Variants in FAM135A observed in about 807,000 individuals in gnomAD.
The protein encoded by FAM135A is protein FAM135A.
A neutral mutation model predicts 146.8 loss-of-function variants in FAM135A; 79 were observed. The ratio of observed to expected loss-of-function variants is 0.54; its 90% CI spans 0.45 to 0.65. FAM135A has a LOEUF of 0.65. FAM135A is among the 30% of genes least tolerant of loss of function. The pLI, the probability that FAM135A is intolerant of heterozygous loss-of-function variation, is 0.00. For synonymous variants in FAM135A, 562 were observed against 603.6 expected, an observed-to-expected ratio of 0.93 and a Z score of 1.01; for missense variants, 1,623 against 1,758.2, an observed-to-expected ratio of 0.92 and a Z score of 1.38.
chr6:70,533,758 A>C lies in FAM135A; in HGVS notation c.3869A>C (p.Asn1290Thr), dbSNP rs769511196. 3 of 1,566,808 alleles carry C rather than the reference A, an allele frequency of 1.9e-6. No homozygotes were observed. In the African/African-American group the frequency reaches 4.1e-5, roughly 22 times the overall value. The change falls in exon 18 of 22, where the codon AAT (asparagine) becomes ACT (threonine). Residue 1290 changes from asparagine to threonine, a missense_variant and splice_region_variant. By Grantham distance (65) the Asn-to-Thr change is moderately conservative. Transcript: ENST00000418814. ...GTATGTGCTTTGCTTTCTTTTTAGA[A>C]TGATACTTTTGCTGATTTTGATAGC... is the stretch of plus-strand genomic sequence containing the variant. Reference protein sequence around the residue: ...IDFLMSERNQNDTFADFDSMT... With the variant: ...IDFLMSERNQTDTFADFDSMT...
chr6:70,482,927 T>C (rs542892715), intron 10 of FAM135A, among the ~76,000 whole-genome samples: 1 of 141,840 alleles, frequency 7.1e-6, no homozygotes, highest in African/African-American at 2.4e-5. Context: ...ATATATTGTT[T>C]TATAAGTTTT....
intron 4 of FAM135A, among the ~76,000 whole-genome samples, chr6:70,450,675 A>G (rs1422442929): frequency 7.3e-6 from 1 of 136,798 alleles, no homozygotes; most frequent in Non-Finnish European, 1.6e-5. Flanking sequence ...ATTGCTTGGA[A>G]ATATATTATT....
chr6:70,452,410 A>T (rs1777311871), intron 4 of FAM135A, 82 bp from the exon 5 acceptor site: 1 of 983,832 alleles, frequency 1.0e-6, no homozygotes, highest in Non-Finnish European at 1.5e-6. Context: ...TATTATTTTA[A>T]TATGGATACA....
chr6:70,447,588 GA>G (rs1371684252), intron 4 of FAM135A, among the ~76,000 whole-genome samples: 1 of 152,204 alleles, frequency 6.6e-6, no homozygotes, highest in Non-Finnish European at 1.5e-5. Flanking sequence ...TGTGGCGGGG[GA>G]CAGACATTGT....
chr6:70,544,719 A>T (rs1798535837), intron 20 of FAM135A, among the ~76,000 whole-genome samples: 1 of 151,536 alleles, frequency 6.6e-6, no homozygotes, highest in African/African-American at 2.4e-5. Context: ...CCAGCGGGGG[A>T]TAGAGCCAGA....
At position 70,480,965 on chromosome 6, in the gene FAM135A, G is replaced by C. The variant is rs143901584; in HGVS notation, c.607G>C (p.Val203Leu). 5 of 1,612,440 alleles carry C rather than the reference G, an allele frequency of 3.1e-6. No individual in the cohort carries two copies. Among genetic ancestry groups the C allele is most frequent in the Non-Finnish European group, 3.4e-6 (4 of 1,179,152 alleles). ...RNAPAQNKDSVIPTLESVVFG... is the reference protein window; with the variant it reads ...RNAPAQNKDSLIPTLESVVFG... ...TGCACCAGCACAAAACAAAGATTCC[G>C]TGATTCCTACTCTTGAAAGTGTGGT... The change falls in exon 9 of 22, where the codon GTG becomes CTG. Residue 203 changes from valine (V) to leucine (L), a missense_variant. Around this residue, in one of 7 missense-constraint regions of FAM135A, gnomAD observed 206 missense variants for 194.7 expected, o/e 1.06. Transcript: ENST00000418814.
At chr6:70,431,592 G>T (rs1178954931) in intron 4 of FAM135A, among the ~76,000 whole-genome samples, 3 of 152,072 alleles carry the variant, frequency 2.0e-5, no homozygotes, top group Non-Finnish European at 4.4e-5. Flanking sequence ...CATTTAAAAG[G>T]TGGGCAACTA....
intron 12 of FAM135A, among the ~76,000 whole-genome samples, chr6:70,508,174 C>T (rs1374307147): frequency 6.6e-6 from 1 of 152,132 alleles, no homozygotes; most frequent in Admixed American, 6.6e-5. Context: ...GCTTTATCCA[C>T]CAATGCTGTA....
At position 70,512,455 on chromosome 6, in the gene FAM135A, CTA is replaced by C. The variant is rs151042577; in HGVS notation, c.1029+9667_1029+9668del. Among the ~76,000 whole-genome samples, 287 of 151,682 alleles carry C rather than the reference CTA, an allele frequency of 1.9e-3. 3 individuals are homozygous for C. The South Asian group carries it at 0.021, about 11-fold the overall frequency. On this transcript the variant is annotated intron_variant, in intron 12 of 21. Transcript: ENST00000418814. Reference sequence around the variant, plus strand: ...AAAATCATTTTTTTTTCCAAAATGGCTATACAGTTTTAAACTCCTAACATTAA... The same window carrying C: ...AAAATCATTTTTTTTTCCAAAATGGCTACAGTTTTAAACTCCTAACATTAA...
At position 70,524,752 on chromosome 6, in the gene FAM135A, A is replaced by G. The variant is rs762779860; in HGVS notation, c.1668A>G (p.Gly556=). ...QKEGLDPTIC[G]YNFDPKTYMR... ...AAGGTCTGGATCCCACAATATGTGGATATAATTTTGACCCAAAGACCTACA... is the reference window on the plus strand; with the variant it reads ...AAGGTCTGGATCCCACAATATGTGGGTATAATTTTGACCCAAAGACCTACA... The change falls in exon 15 of 22, where the codon GGA becomes GGG. Residue 556 remains glycine, a synonymous_variant. Transcript: ENST00000418814. The G allele has an allele frequency of 2.6e-6, 4 of 1,549,070 alleles. No individual in the cohort carries two copies. The South Asian group carries it at 4.8e-5, about 19-fold the overall frequency.
intron 4 of FAM135A, among the ~76,000 whole-genome samples, chr6:70,432,782 A>T (rs1351594897): frequency 6.6e-6 from 1 of 151,948 alleles, no homozygotes; most frequent in Non-Finnish European, 1.5e-5. Context: ...ATATAAAGGA[A>T]GACATCGACT....
chr6:70,519,179 G>T (rs1406099378), intron 12 of FAM135A, among the ~76,000 whole-genome samples: 1 of 152,156 alleles, frequency 6.6e-6, no homozygotes, highest in Non-Finnish European at 1.5e-5. Context: ...GGGTCACGAC[G>T]AGTGGAGAAA....
Position 70,522,136 on chromosome 6 carries a change from C to A in FAM135A, c.1030-377C>A, listed in dbSNP as rs192577631. On this transcript the variant is annotated intron_variant, in intron 12 of 21. Transcript: ENST00000418814. ...TTCACCATGTTGGCCAGGCTGGTCT[C>A]GAACTCTTGACCTCAGGTAATCCAC... is the stretch of plus-strand genomic sequence containing the variant. 2.0e-4 allele frequency among the ~76,000 whole-genome samples: 31 copies of A among 152,230 alleles called. No homozygotes were observed. In the East Asian group the frequency reaches 5.2e-3, roughly 26 times the overall value.
At chr6:70,517,801 A>T (rs72917966) in intron 12 of FAM135A, among the ~76,000 whole-genome samples, 5 of 152,286 alleles carry the variant, frequency 3.3e-5, no homozygotes, top group African/African-American at 1.2e-4. Context: ...ATTGTTTTGA[A>T]GCACCACAGT....
intron 20 of FAM135A, among the ~76,000 whole-genome samples, chr6:70,541,659 T>C (rs1797944051): frequency 6.6e-6 from 1 of 152,178 alleles, no homozygotes; most frequent in African/African-American, 2.4e-5. Context: ...CTCTCAAATA[T>C]TAATATATAT....
intron 4 of FAM135A, among the ~76,000 whole-genome samples, chr6:70,449,022 G>A (rs1223715481): frequency 1.3e-5 from 2 of 152,200 alleles, no homozygotes; most frequent in South Asian, 2.1e-4. Flanking sequence ...CCAGTTTAAT[G>A]GCCAGATTTT....
chr6:70,526,802 C>CACATATAT (rs1554161866), intron 15 of FAM135A, 104 bp downstream of exon 15: 1 of 518,006 alleles, frequency 1.9e-6, no homozygotes, highest in African/African-American at 2.3e-5. Context: ...CACACACACA[C>CACATATAT]ATATATATAT....
At chr6:70,436,509 A>G (rs1773199573) in intron 4 of FAM135A, among the ~76,000 whole-genome samples, 1 of 152,158 alleles carries the variant, frequency 6.6e-6, no homozygotes, top group Non-Finnish European at 1.5e-5. Context: ...ATAGGGGTAC[A>G]TTTAGTCTGA....
chr6:70,483,497 T>C (rs1475409709), intron 10 of FAM135A, among the ~76,000 whole-genome samples: 1 of 152,204 alleles, frequency 6.6e-6, no homozygotes, highest in Non-Finnish European at 1.5e-5. Flanking sequence ...CCTGTTTCCC[T>C]TAGGAAAATT....
Sources: gnomAD v4.1 joint callset for allele counts (sites outside exome capture counted in the v4.1 genomes callset) on GRCh38, gnomAD v4.1.1 for gene constraint, gnomAD v4.1.1 regional missense constraint, MANE v1.5 for transcripts, NCBI Gene and HGNC (gene_info 2026-07-23, HGNC 2026-07-21) for gene names.